Variants in COG2 observed in about 807,000 individuals in gnomAD.
COG2 encodes component of oligomeric golgi complex 2.
Under a neutral mutation model 90.6 loss-of-function variants are expected in COG2, and 52 were observed. The ratio of observed to expected loss-of-function variants is 0.57; its 90% confidence interval spans 0.46 to 0.72. The LOEUF is 0.72. COG2 is among the 30% of genes least tolerant of loss of function. The pLI is 0.00. For missense variants in COG2, 829 were observed against 891.2 expected (o/e 0.93, Z 0.89); for synonymous variants, 337 against 320.4 (o/e 1.05, Z -0.55).
intron 5 of COG2, among the ~76,000 whole-genome samples, chr1:230,667,529 A>G (rs1234428308): frequency 6.6e-6 from 1 of 152,226 alleles, no homozygotes; most frequent in African/African-American, 2.4e-5. Flanking sequence ...AGCTGTAGTG[A>G]AGGTAAAACC....
chr1:230,692,786 GT>G (rs568986274), intron 17 of COG2, among the ~76,000 whole-genome samples: 113 of 83,946 alleles, frequency 1.3e-3, no homozygotes, highest in Non-Finnish European at 2.8e-3. Context: ...GTGTGTGTGT[GT>G]TGTTATTGTC....
Position 230,687,084 on chromosome 1 carries a change from C to T in COG2, c.1530C>T (p.Arg510=). The T allele has an allele frequency of 1.9e-6, 3 of 1,613,550 alleles. No homozygotes were observed. Among genetic ancestry groups the T allele is most frequent in the Non-Finnish European group, 2.5e-6 (3 of 1,179,698 alleles). The part of the protein sequence containing the change: ...SETKPVVSIS[R]TQLVYVVADL... ...CAAAGCCTGTGGTTTCCATTTCCCG[C>T]ACTCAGCTCGTGTATGTGGTTGCAG... is the stretch of plus-strand genomic sequence containing the variant. The change falls in exon 13 of 18, where the codon CGC becomes CGT. Residue 510 remains arginine, a synonymous_variant. Transcript: ENST00000366669.
At chr1:230,691,726 C>T (rs1242629476) in intron 17 of COG2, 162 bp downstream of exon 17, 4 of 635,626 alleles carry the variant, frequency 6.3e-6, no homozygotes, top group South Asian at 2.1e-5. Context: ...TTACTTTGCC[C>T]CTAGGCAGTA....
At chr1:230,647,779 T>C (rs1198270842) in intron 1 of COG2, among the ~76,000 whole-genome samples, 1 of 152,226 alleles carries the variant, frequency 6.6e-6, no homozygotes, top group East Asian at 1.9e-4. Flanking sequence ...TTACTTATAC[T>C]ACCTAATACA....
chr1:230,643,327 T>TTGAAAA (rs1392355401), intron 1 of COG2, among the ~76,000 whole-genome samples: 2 of 152,124 alleles, frequency 1.3e-5, no homozygotes, highest in African/African-American at 4.8e-5. Context: ...GATGATAAAG[T>TTGAAAA]TCATCAGGCA....
At chr1:230,646,152 G>C (rs1490081183) in intron 1 of COG2, among the ~76,000 whole-genome samples, 1 of 152,122 alleles carries the variant, frequency 6.6e-6, no homozygotes, top group Non-Finnish European at 1.5e-5. Flanking sequence ...CCAACCTCCA[G>C]TTAAAGCCCA....
intron 1 of COG2, among the ~76,000 whole-genome samples, chr1:230,654,262 T>G (rs1370285534): frequency 6.6e-6 from 1 of 152,244 alleles, no homozygotes; most frequent in Non-Finnish European, 1.5e-5. Context: ...TACGTTTAAG[T>G]CTTTAATCCA....
At chr1:230,667,545 A>G (rs1330744419) in intron 5 of COG2, among the ~76,000 whole-genome samples, 1 of 152,222 alleles carries the variant, frequency 6.6e-6, no homozygotes, top group Non-Finnish European at 1.5e-5. Context: ...AAACCAGGGC[A>G]ATATTACTGA....
chr1:230,650,410 A>G (rs1211513553), intron 1 of COG2, among the ~76,000 whole-genome samples: 2 of 152,100 alleles, frequency 1.3e-5, no homozygotes, highest in Admixed American at 1.3e-4. Flanking sequence ...TTGGTGTTAG[A>G]TGGTATCTCA....
intron 17 of COG2, 26 bp from the exon 18 acceptor site, chr1:230,693,266 A>G (rs1400017664): frequency 3.0e-6 from 4 of 1,338,046 alleles, no homozygotes; most frequent in Non-Finnish European, 4.3e-6. Flanking sequence ...TTGCAGTAAC[A>G]TAATTCATTC....
At chr1:230,686,890 A>G in intron 12 of COG2, 45 bp from the exon 13 acceptor site, 3 of 1,262,686 alleles carry the variant, frequency 2.4e-6, no homozygotes, top group South Asian at 3.3e-5. Context: ...ATGCTCATGT[A>G]TCTTGCTAGT....
At chr1:230,666,479 TG>T (rs1662326514) in intron 5 of COG2, among the ~76,000 whole-genome samples, 3 of 152,172 alleles carry the variant, frequency 2.0e-5, no homozygotes, top group Non-Finnish European at 2.9e-5. Flanking sequence ...TAACCCTAGC[TG>T]CCAAATGGAT....
At chr1:230,656,688 C>G (rs1662061050) in intron 1 of COG2, among the ~76,000 whole-genome samples, 1 of 152,138 alleles carries the variant, frequency 6.6e-6, no homozygotes, top group Non-Finnish European at 1.5e-5. Flanking sequence ...GTTCAAATCT[C>G]CCACTATTAT....
In COG2 at chr1:230,657,711, C is replaced by T. The variant is rs570711170; in HGVS notation, c.73-1753C>T. Among the ~76,000 whole-genome samples the T allele has an allele frequency of 3.8e-4, 58 of 152,296 alleles. No homozygotes were observed. In the South Asian group the frequency reaches 0.011, roughly 28 times the overall value. ...GTCACTTTCGGGTACACCAGTCGAA[C>T]GCAGATTTGGTCTTTTCATCTAGTC... On this transcript the variant is annotated intron_variant, in intron 1 of 17. Coordinates refer to ENST00000366669, the MANE Select transcript of COG2 (RefSeq NM_007357.3).
intron 5 of COG2, among the ~76,000 whole-genome samples, chr1:230,667,943 G>A (rs1307999452): frequency 1.3e-5 from 2 of 152,110 alleles, no homozygotes; most frequent in African/African-American, 4.8e-5. Flanking sequence ...GGGAAAAAGT[G>A]CATTTATTAT....
At chr1:230,660,045 G>C (rs904738253) in intron 2 of COG2, among the ~76,000 whole-genome samples, 1 of 152,182 alleles carries the variant, frequency 6.6e-6, no homozygotes, top group Non-Finnish European at 1.5e-5. Context: ...TTGATCTTTA[G>C]GAGGCTTGGT....
chr1:230,665,662 A>C (rs983130176), intron 5 of COG2, among the ~76,000 whole-genome samples: 1 of 152,214 alleles, frequency 6.6e-6, no homozygotes, highest in Non-Finnish European at 1.5e-5. Context: ...AGATGTATAA[A>C]TAAGTGGTCA....
intron 17 of COG2, among the ~76,000 whole-genome samples, chr1:230,692,499 A>G (rs1269111998): frequency 1.3e-5 from 2 of 152,186 alleles, no homozygotes; most frequent in Admixed American, 6.5e-5. Flanking sequence ...GTCAACTGCC[A>G]TGTTTCTTTA....
chr1:230,668,594 C>T (rs1662372697), intron 5 of COG2, 82 bp from the exon 6 acceptor site: 2 of 790,484 alleles, frequency 2.5e-6, no homozygotes, highest in South Asian at 4.2e-5. Context: ...GTATGAAAGT[C>T]TCTCACTGCC....
Sources: allele counts gnomAD v4.1 joint callset (sites outside exome capture counted in the v4.1 genomes callset), GRCh38; gene constraint gnomAD v4.1.1; transcripts MANE v1.5; gene names NCBI Gene and HGNC (gene_info 2026-07-23, HGNC 2026-07-21).